The following F5 variants were observed in gnomAD, a reference collection of about 807,000 sequenced individuals.
The protein encoded by F5 is coagulation factor V, also known as activated protein c cofactor.
Under a neutral mutation model 216.4 loss-of-function variants are expected in F5, and 138 were observed. The observed-to-expected ratio is 0.64, with a 90% CI of 0.56 to 0.73. The LOEUF is 0.73. Among genes scored for constraint, F5 ranks in the 30% least tolerant of loss-of-function variants. The pLI, the probability that F5 is intolerant of heterozygous loss-of-function variation, is 0.00. For missense variants in F5, 2,403 were observed against 2,674.0 expected (o/e 0.90, Z 2.24); for synonymous variants, 916 against 930.7 (o/e 0.98, Z 0.29).
Position 169,540,789 on chromosome 1 carries a change from C to T in F5, c.4301G>A (p.Ser1434Asn), listed in dbSNP as rs745549085. Residue 1434 changes from serine (S) to asparagine (N), a missense_variant, in exon 13 of 25, where the codon AGC becomes AAC. Coordinates refer to ENST00000367797, the MANE Select transcript of F5 (RefSeq NM_000130.5). ...FGQMSLSPDLSQVTLSPDISD... is the reference protein window; with the variant it reads ...FGQMSLSPDLNQVTLSPDISD... Reference sequence around the variant, plus strand: ...GATGTCTGGAGAGAGAGTCACCTGGCTGAGGTCTGGGGAAAGGGACATCTG... The same window carrying T: ...GATGTCTGGAGAGAGAGTCACCTGGTTGAGGTCTGGGGAAAGGGACATCTG... The T allele has an allele frequency of 1.5e-5, 25 of 1,613,892 alleles. No individual in the cohort carries two copies. In the South Asian group the frequency reaches 2.6e-4, roughly 17 times the overall value.
At chr1:169,554,502 A>G (rs1219151976) in intron 7 of F5, among the ~76,000 whole-genome samples, 2 of 152,242 alleles carry the variant, frequency 1.3e-5, no homozygotes, top group African/African-American at 4.8e-5. Flanking sequence ...TAACGTTGCA[A>G]CAGTGAATAT....
chr1:169,517,176 G>T (rs1300533454), intron 23 of F5, among the ~76,000 whole-genome samples: 1 of 152,140 alleles, frequency 6.6e-6, no homozygotes, highest in African/African-American at 2.4e-5. Flanking sequence ...GGTGGAAGGA[G>T]CATGGCCTGT....
intron 2 of F5, among the ~76,000 whole-genome samples, chr1:169,579,080 C>T (rs373249188): frequency 2.3e-4 from 35 of 150,296 alleles, no homozygotes; most frequent in African/African-American, 7.6e-4. Flanking sequence ...CTCCTCCCAT[C>T]TGGAACCAAG....
intron 5 of F5, among the ~76,000 whole-genome samples, chr1:169,557,645 C>T (rs1660363192): frequency 6.6e-6 from 1 of 151,904 alleles, no homozygotes; most frequent in South Asian, 2.1e-4. Context: ...TGGGGAGACT[C>T]CATCCTTGGC....
At chr1:169,550,295 C>CCCA (rs1660135897) in intron 9 of F5, among the ~76,000 whole-genome samples, 1 of 136,004 alleles carries the variant, frequency 7.4e-6, no homozygotes, top group East Asian at 2.4e-4. Context: ...CCCACCCCCC[C>CCCA]CCCCCGACAG....
chr1:169,531,754 C>A (rs1659600015), intron 14 of F5, among the ~76,000 whole-genome samples: 1 of 152,044 alleles, frequency 6.6e-6, no homozygotes, highest in Admixed American at 6.6e-5. Flanking sequence ...GAAGTCTTCA[C>A]ACCCCAGCAG....
chr1:169,581,189 C>T (rs1445318976), intron 2 of F5, among the ~76,000 whole-genome samples: 1 of 151,796 alleles, frequency 6.6e-6, no homozygotes, highest in Non-Finnish European at 1.5e-5. Context: ...CTAGAAAAAA[C>T]AGGTAAAGCG....
At position 169,523,307 on chromosome 1, in the gene F5, C is replaced by T; in HGVS notation, c.5938G>A (p.Gly1980Ser). 1 of 1,614,040 alleles carries T rather than the reference C, an allele frequency of 6.2e-7. No homozygotes were observed. Among genetic ancestry groups the T allele is most frequent in the Non-Finnish European group, 8.5e-7 (1 of 1,179,972 alleles). The change falls in exon 21 of 25, where the codon GGT becomes AGT. Residue 1980 changes from glycine (G) to serine (S), a missense_variant. By Grantham distance (56) the Gly-to-Ser change is moderately conservative. Transcript: ENST00000367797. ...EVIITGIQTQ[G>S]AKHYLKSCYT... ...CAGGACTTCAGGTAGTGTTTGGCAC[C>T]TTGGGTCTGGATCCCTGTGATTATG...
intron 15 of F5, among the ~76,000 whole-genome samples, chr1:169,530,395 T>C (rs1659565489): frequency 6.6e-6 from 1 of 152,234 alleles, no homozygotes; most frequent in Admixed American, 6.5e-5. Context: ...ACATATTGTT[T>C]TGAAGTATAT....
At chr1:169,528,623 T>C (rs1202726831) in intron 16 of F5, among the ~76,000 whole-genome samples, 2 of 152,170 alleles carry the variant, frequency 1.3e-5, no homozygotes, top group African/African-American at 4.8e-5. Flanking sequence ...GTTTATTCTC[T>C]TATTGGTATG....
rs1323570954 is a variant in F5 at position 169,512,735 on chromosome 1, G to C, written c.*1578C>G. ...ACGAATATTAGAAAGCCAATGTTTT[G>C]TGGATGTTTGAAACTCTCATATACA... On this transcript the variant is annotated 3_prime_UTR_variant, in exon 25 of 25. Transcript: ENST00000367797. Among the ~76,000 whole-genome samples the C allele has an allele frequency of 6.6e-6, 1 of 152,112 alleles. No individual in the cohort carries two copies.
chr1:169,524,062 A>G (rs967038173), intron 19 of F5, among the ~76,000 whole-genome samples, 158 bp from the exon 20 acceptor site: 1 of 152,220 alleles, frequency 6.6e-6, no homozygotes, highest in African/African-American at 2.4e-5. Flanking sequence ...GTCCTTGATG[A>G]TGAAATCTGG....
Position 169,521,615 on chromosome 1 carries a change from ATTTTTTTTT to A in F5, c.6049-960_6049-952del, listed in dbSNP as rs35651599. ...AAAACAAGGCTGGTTCTGTGAAAAG[ATTTTTTTTT>A]TTTTTTTTTTTTTTTGAGACGGAGT... On this transcript the variant is annotated intron_variant, in intron 21 of 24. Coordinates refer to ENST00000367797, the MANE Select transcript of F5 (RefSeq NM_000130.5). Among the ~76,000 whole-genome samples the A allele has an allele frequency of 6.6e-5, 7 of 106,268 alleles. No homozygotes were observed. The East Asian group carries it at 2.0e-3, about 30-fold the overall frequency. 69.7% of individuals were successfully genotyped at this position (106,268 alleles called of 152,430 possible). A position where few individuals can be genotyped will look rare whatever the true frequency, so the allele number is the denominator to read the frequency against.
intron 10 of F5, 67 bp from the exon 11 acceptor site, chr1:169,546,659 A>C: frequency 6.9e-7 from 1 of 1,445,710 alleles, no homozygotes; most frequent in Non-Finnish European, 9.7e-7. Context: ...CAGAATAGAG[A>C]ACTCAGAAAT....
chr1:169,513,012 T>G lies in F5; in HGVS notation c.*1301A>C, dbSNP rs1557902119. ...GGAACTTATTTATTTCTGCCTTAATTTCATTATTTACCCAGTAGTCATTCA... is the reference window on the plus strand; with the variant it reads ...GGAACTTATTTATTTCTGCCTTAATGTCATTATTTACCCAGTAGTCATTCA... On this transcript the variant is annotated 3_prime_UTR_variant, in exon 25 of 25. Coordinates refer to ENST00000367797, the MANE Select transcript of F5 (RefSeq NM_000130.5). Among the ~76,000 whole-genome samples the G allele has an allele frequency of 6.6e-6, 1 of 152,100 alleles. No homozygotes were observed. The highest frequency in any genetic ancestry group is 2.1e-4 in the South Asian group (1 of 4,830).
In F5 at chr1:169,541,056, T is replaced by A; in HGVS notation, c.4034A>T (p.Gln1345Leu). ...SQTNLSPELSQTNLSPALGQM... is the reference protein window; with the variant it reads ...SQTNLSPELSLTNLSPALGQM... ...ACCGAGGGCTGGGGAAAGGTTTGTT[T>A]GACTGAGTTCTGGAGAGAGGTTTGT... The change falls in exon 13 of 25, where the codon CAA becomes CTA. Residue 1345 changes from glutamine to leucine, a missense_variant. Coordinates refer to ENST00000367797, the MANE Select transcript of F5 (RefSeq NM_000130.5). 6.2e-7 allele frequency: 1 copy of A among 1,606,078 alleles called. No individual in the cohort carries two copies.
intron 5 of F5, among the ~76,000 whole-genome samples, chr1:169,557,423 T>A (rs1660358217): frequency 6.6e-6 from 1 of 152,132 alleles, no homozygotes. Flanking sequence ...GATTTTCAAT[T>A]GTTATTTTTA....
chr1:169,522,382 A>G (rs998006605), intron 21 of F5, among the ~76,000 whole-genome samples: 1 of 152,198 alleles, frequency 6.6e-6, no homozygotes, highest in Non-Finnish European at 1.5e-5. Flanking sequence ...AAATAAAACT[A>G]TATACCAATA....
Position 169,541,507 on chromosome 1 carries a change from G to A in F5, c.3583C>T (p.Leu1195Phe). The change falls in exon 13 of 25, where the codon CTC (leucine) becomes TTC (phenylalanine). Residue 1195 changes from leucine (L) to phenylalanine (F), a missense_variant. Physicochemically the swap from Leu to Phe is conservative, Grantham distance 22. Coordinates refer to ENST00000367797, the MANE Select transcript of F5 (RefSeq NM_000130.5). ...TTTGTCTGGCTGAGTTCTGGAGAGA[G>A]GGTCACCTGGCTGAGGTCTGGAGAG... ...VISPDLSQVT[L>F]SPELSQTNLS... 3.1e-6 allele frequency: 5 copies of A among 1,614,106 alleles called. No individual in the cohort carries two copies. The highest frequency in any genetic ancestry group is 4.2e-6 in the Non-Finnish European group (5 of 1,179,990).
Sources: gnomAD v4.1 joint callset for allele counts (sites outside exome capture counted in the v4.1 genomes callset) on GRCh38, gnomAD v4.1.1 for gene constraint, MANE v1.5 for transcripts, NCBI Gene and HGNC (gene_info 2026-07-23, HGNC 2026-07-21) for gene names.